The following GALNT13 variants were observed in gnomAD, a reference collection of about 807,000 sequenced individuals.
GALNT13 encodes the protein polypeptide N-acetylgalactosaminyltransferase 13.
GALNT13 carries 28 observed loss-of-function variants against 64.2 expected under a neutral mutation model. The observed-to-expected ratio is 0.44, with a 90% confidence interval of 0.32 to 0.60. The LOEUF is 0.60. Among genes scored for constraint, GALNT13 ranks in the 20% least tolerant of loss-of-function variants. GALNT13 has a pLI of 0.05. For missense variants in GALNT13, 577 were observed against 669.8 expected (o/e 0.86, Z 1.53); for synonymous variants, 214 against 224.6 (o/e 0.95, Z 0.42).
the GALNT13 span, among the ~76,000 whole-genome samples, chr2:153,326,372 A>G: frequency 7.1e-6 from 1 of 141,310 alleles, no homozygotes; most frequent in African/African-American, 2.7e-5. Context: ...TTTTGAGCCT[A>G]TGTGTGTCTT....
intron 3 of GALNT13, among the ~76,000 whole-genome samples, chr2:154,132,734 T>G (rs1473984130): frequency 7.0e-6 from 1 of 143,848 alleles, no homozygotes. Flanking sequence ...CATGAAAAAA[T>G]AAAAAAAAAA....
chr2:153,101,828 C>T, the GALNT13 span, among the ~76,000 whole-genome samples: 11 of 152,306 alleles, frequency 7.2e-5, no homozygotes, highest in Admixed American at 5.9e-4. Flanking sequence ...TCTGTCTTTG[C>T]GTAGAAATAA....
In GALNT13 at chr2:154,369,463, C is replaced by T. The variant is rs111883798; in HGVS notation, c.1157-26528C>T. Among the ~76,000 whole-genome samples, 763 of 152,284 alleles carry T rather than the reference C, an allele frequency of 5.0e-3. 6 individuals carry two copies. The highest frequency in any genetic ancestry group is 0.017 in the African/African-American group (727 of 41,568). ...GGAAAATCAAAGACCTCTGTTTAAG[C>T]ATTGCATGTTTGCTGATACCATGTC... On this transcript the variant is annotated intron_variant, in intron 9 of 12. Transcript: ENST00000392825.
chr2:153,498,369 G>C, the GALNT13 span, among the ~76,000 whole-genome samples: 1 of 152,240 alleles, frequency 6.6e-6, no homozygotes, highest in Non-Finnish European at 1.5e-5. Flanking sequence ...GCCCTTGAAG[G>C]CTGGCAGGCT....
chr2:153,435,914 A>G, the GALNT13 span, among the ~76,000 whole-genome samples: 12 of 152,222 alleles, frequency 7.9e-5, no homozygotes, highest in African/African-American at 2.9e-4. Context: ...CCAGTTTTCA[A>G]AGGGAATGCT....
the GALNT13 span, among the ~76,000 whole-genome samples, chr2:153,340,753 C>T: frequency 6.6e-6 from 1 of 151,598 alleles, no homozygotes; most frequent in African/African-American, 2.4e-5. Context: ...ACATTGAGAT[C>T]TAGTTTGTTG....
At chr2:153,272,269 A>G in the GALNT13 span, among the ~76,000 whole-genome samples, 3 of 152,224 alleles carry the variant, frequency 2.0e-5, no homozygotes, top group African/African-American at 7.2e-5. Flanking sequence ...AATGGGATCT[A>G]ATTAAACTAA....
intron 9 of GALNT13, among the ~76,000 whole-genome samples, chr2:154,318,724 C>CA (rs5835510): frequency 1.9e-3 from 179 of 96,594 alleles, no homozygotes; most frequent in South Asian, 2.4e-3. Context: ...AACTCCATTT[C>CA]AAAAAAAAAA....
At chr2:153,347,465 C>T in the GALNT13 span, among the ~76,000 whole-genome samples, 1 of 152,150 alleles carries the variant, frequency 6.6e-6, no homozygotes, top group Non-Finnish European at 1.5e-5. Context: ...AACTGTAAGA[C>T]ATTAAAACCC....
downstream of GALNT13, among the ~76,000 whole-genome samples, chr2:154,456,484 C>A (rs1559166254): frequency 6.6e-6 from 1 of 151,824 alleles, no homozygotes; most frequent in Non-Finnish European, 1.5e-5. Context: ...AATAGATAAA[C>A]AACGTCACTA....
chr2:153,952,532 C>A (rs181170451), intron 3 of GALNT13, among the ~76,000 whole-genome samples: 2 of 152,154 alleles, frequency 1.3e-5, no homozygotes, highest in East Asian at 3.9e-4. Context: ...GCAGAGAAGA[C>A]ACAATGGGAA....
chr2:153,729,256 T>G, the GALNT13 span, among the ~76,000 whole-genome samples: 1 of 152,178 alleles, frequency 6.6e-6, no homozygotes, highest in South Asian at 2.1e-4. Context: ...TGACTTCTGT[T>G]GATTTGAAAA....
At chr2:153,082,571 GTTTATATATATATA>G in the GALNT13 span, among the ~76,000 whole-genome samples, 4 of 50,176 alleles carry the variant, frequency 8.0e-5, no homozygotes, top group South Asian at 8.2e-4. Flanking sequence ...ATTTAGGCTG[GTTTATATATATATA>G]TATATATATA....
the GALNT13 span, among the ~76,000 whole-genome samples, chr2:153,157,167 G>T: frequency 6.6e-6 from 1 of 152,146 alleles, no homozygotes; most frequent in Non-Finnish European, 1.5e-5. Flanking sequence ...TCACAATTCT[G>T]TTCCCAATCC....
At chr2:153,090,056 G>T in the GALNT13 span, among the ~76,000 whole-genome samples, 2 of 151,978 alleles carry the variant, frequency 1.3e-5, no homozygotes, top group Non-Finnish European at 1.5e-5. Context: ...TTCTAAGTTG[G>T]ATATATTATG....
At chr2:154,423,980 A>G (rs907107642) in intron 11 of GALNT13, among the ~76,000 whole-genome samples, 2 of 152,198 alleles carry the variant, frequency 1.3e-5, no homozygotes, top group African/African-American at 4.8e-5. Flanking sequence ...TAATCCAGCC[A>G]TGAGATAAAC....
intron 3 of GALNT13, among the ~76,000 whole-genome samples, chr2:154,073,979 C>G (rs1700866623): frequency 6.6e-6 from 1 of 151,658 alleles, no homozygotes; most frequent in Non-Finnish European, 1.5e-5. Context: ...ATTTTTCTTA[C>G]TGGTTTTTTG....
chr2:153,923,118 T>G (rs1372219356), intron 2 of GALNT13, among the ~76,000 whole-genome samples: 1 of 152,094 alleles, frequency 6.6e-6, no homozygotes, highest in Non-Finnish European at 1.5e-5. Flanking sequence ...CAGGCTGGTC[T>G]CAAACTCCTG....
At chr2:154,115,646 C>T (rs989091511) in intron 3 of GALNT13, among the ~76,000 whole-genome samples, 7 of 152,102 alleles carry the variant, frequency 4.6e-5, no homozygotes, top group African/African-American at 1.7e-4. Context: ...GTCTTGAACT[C>T]CTGACCTCAG....
Sources: gnomAD v4.1 joint callset for allele counts (sites outside exome capture counted in the v4.1 genomes callset) on GRCh38, gnomAD v4.1.1 for gene constraint, MANE v1.5 for transcripts, NCBI Gene and HGNC (gene_info 2026-07-23, HGNC 2026-07-21) for gene names.